Variants in DYRK2 observed in about 807,000 individuals in gnomAD.
The protein encoded by DYRK2 is dual specificity tyrosine phosphorylation regulated kinase 2, also known as dual specificity tyrosine-phosphorylation-regulated kinase 2.
In DYRK2, 12 loss-of-function variants were observed where a neutral mutation model predicts 41.6. The ratio of observed to expected loss-of-function variants is 0.29; its 90% confidence interval spans 0.18 to 0.47. The LOEUF (loss-of-function observed/expected upper bound fraction) is 0.47, where lower values mean the gene tolerates loss of function less well. Among genes scored for constraint, DYRK2 ranks in the 20% least tolerant of loss-of-function variants. The pLI, the probability that DYRK2 is intolerant of heterozygous loss-of-function variation, is 1.00. For missense variants in DYRK2, 678 were observed against 798.4 expected, an observed-to-expected ratio of 0.85 and a Z score of 1.82; for synonymous variants, 322 against 315.7, an observed-to-expected ratio of 1.02 and a Z score of -0.21.
rs568457628 is a variant in DYRK2, at chr12:67,648,794, C to G, written c.-340C>G. The stretch of plus-strand genomic sequence containing the variant: ...CGAGCCAGGCGGTCTTCGGTCCTCG[C>G]AGCGCTTCCAGCTCCCCGCGCCCCT... On this transcript the variant is annotated 5_prime_UTR_variant, in exon 1 of 3. Transcript: ENST00000344096. The G allele has an allele frequency of 6.1e-6, 1 of 163,842 alleles. No homozygotes were observed. The highest frequency in any genetic ancestry group is 2.4e-5 in the African/African-American group (1 of 40,990). The allele number at this position is 163,842 out of a possible 1,614,324, so 10.1% of individuals were successfully genotyped here.
At position 67,663,295 on chromosome 12, in the gene DYRK2, T is replaced by G. The variant is rs537779169; in HGVS notation, c.*4582T>G. On this transcript the variant is annotated 3_prime_UTR_variant, in exon 3 of 3. Transcript: ENST00000344096. ...AGTTCAGTTAGTACCAAGCTAAGAG[T>G]TTACTTACAGATGACAGCAAGCAGA... 1.4e-4 allele frequency: 21 copies of G among 151,842 alleles called. No homozygotes were observed. The highest frequency in any genetic ancestry group is 4.6e-4 in the African/African-American group (19 of 41,392). 9.4% of individuals were successfully genotyped at this position (151,842 alleles called of 1,614,324 possible).
In DYRK2 at chr12:67,662,768, A is replaced by G. The variant is rs531930167; in HGVS notation, c.*4055A>G. The G allele has an allele frequency of 1.3e-5, 2 of 155,936 alleles. No homozygotes were observed. Among genetic ancestry groups the G allele is most frequent in the South Asian group, 2.1e-4 (1 of 4,824 alleles). The allele number at this position is 155,936 out of a possible 1,614,324, so 9.7% of individuals were successfully genotyped here. A position where few individuals can be genotyped will look rare whatever the true frequency, so the allele number is the denominator to read the frequency against. The stretch of plus-strand genomic sequence containing the variant: ...TTTAGAATGCAAAATGGATAGCTCT[A>G]TATCAGGGTCTTGAGAAGTTAAAAT... On this transcript the variant is annotated 3_prime_UTR_variant, in exon 3 of 3. Transcript: ENST00000344096.
At chr12:67,649,563 C>G in intron 1 of DYRK2, 1 of 444,960 alleles carries the variant, frequency 2.2e-6, no homozygotes, top group Non-Finnish European at 3.6e-6. Flanking sequence ...CCGGCTCCCC[C>G]GCCGGGTCGC....
intron 2 of DYRK2, chr12:67,652,771 T>G (rs1159269046): frequency 6.6e-6 from 1 of 152,220 alleles, no homozygotes; most frequent in African/African-American, 2.4e-5. Context: ...GGTCTCTCAA[T>G]TCGAACCCAT....
At position 67,659,444 on chromosome 12, in the gene DYRK2, C is replaced by G. The variant is rs1872568864; in HGVS notation, c.*731C>G. ...AAAGAAGCCTCATATTACAGAGTTGCTTTTGCACCTAAATTTAGAATTGTA... is the reference window on the plus strand; with the variant it reads ...AAAGAAGCCTCATATTACAGAGTTGGTTTTGCACCTAAATTTAGAATTGTA... On this transcript the variant is annotated 3_prime_UTR_variant, in exon 3 of 3. Coordinates refer to ENST00000344096, the MANE Select transcript of DYRK2 (RefSeq NM_006482.3). 6.0e-6 allele frequency: 1 copy of G among 167,042 alleles called. No homozygotes were observed. Among genetic ancestry groups the G allele is most frequent in the Non-Finnish European group, 1.5e-5 (1 of 68,106 alleles). 10.3% of individuals were successfully genotyped at this position (167,042 alleles called of 1,614,324 possible).
At chr12:67,651,451 A>G (rs758390886) in intron 2 of DYRK2, 1 of 374,978 alleles carries the variant, frequency 2.7e-6, no homozygotes, top group Non-Finnish European at 5.3e-6. Context: ...TTGCAATTGA[A>G]ATACATGTAA....
At chr12:67,651,698 TA>T in intron 2 of DYRK2, 2 of 451,164 alleles carry the variant, frequency 4.4e-6, no homozygotes, top group Middle Eastern at 6.8e-4. Context: ...GTTTTGATTT[TA>T]TTTCTATAAC....
At chr12:67,656,844 C>T (rs1448570698) in intron 2 of DYRK2, among the ~76,000 whole-genome samples, 1 of 152,106 alleles carries the variant, frequency 6.6e-6, no homozygotes, top group African/African-American at 2.4e-5. Flanking sequence ...AGGCCCTATA[C>T]TAAGTGTTAG....
intron 1 of DYRK2, 40 bp from the exon 2 acceptor site, chr12:67,649,757 C>G (rs1872254687): frequency 1.5e-6 from 2 of 1,310,194 alleles, no homozygotes; most frequent in Non-Finnish European, 2.0e-6. Flanking sequence ...ACTTTCTCCC[C>G]CCTGACCCTC....
At position 67,657,276 on chromosome 12, in the gene DYRK2, A is replaced by C; in HGVS notation, c.369A>C (p.Pro123=). The C allele has an allele frequency of 1.5e-5, 24 of 1,614,060 alleles. No homozygotes were observed. The highest frequency in any genetic ancestry group is 2.0e-5 in the Non-Finnish European group (24 of 1,179,996). Residue 123 remains proline (P), a synonymous_variant, in exon 3 of 3, where the codon CCA becomes CCC. Coordinates refer to ENST00000344096, the MANE Select transcript of DYRK2 (RefSeq NM_006482.3). This position sits in a 1 kb window ranked among gnomAD's most constrained non-coding sequence, Gnocchi z 4.8. ...GCAAAACGGGCTTGCCAGTGGTGCC[A>C]GAGCGGCAGCTGGACAGCATTCATA... is the stretch of plus-strand genomic sequence containing the variant. The part of the protein sequence containing the change: ...TVGKTGLPVV[P]ERQLDSIHRR...
rs1347504869 is a variant in DYRK2, at chr12:67,649,793, C to G, written c.50-4C>G. The G allele has an allele frequency of 1.5e-6, 2 of 1,314,572 alleles. No homozygotes were observed. The highest frequency in any genetic ancestry group is 2.0e-6 in the Non-Finnish European group (2 of 1,024,830). The allele number at this position is 1,314,572 out of a possible 1,614,324, so 81.4% of individuals were successfully genotyped here. On this transcript the variant is annotated splice_region_variant and splice_polypyrimidine_tract_variant and intron_variant, in intron 1 of 2. Coordinates refer to ENST00000344096, the MANE Select transcript of DYRK2 (RefSeq NM_006482.3). Reference sequence around the variant, plus strand: ...TTTTGTCTCCTCCCGCACGTGGCTTCCAGGCCGAGGTGGGGACAGCGCCGT... The same window carrying G: ...TTTTGTCTCCTCCCGCACGTGGCTTGCAGGCCGAGGTGGGGACAGCGCCGT...
Position 67,658,016 on chromosome 12 carries a change from G to T in DYRK2, c.1109G>T (p.Gly370Val). The part of the protein sequence containing the change: ...GRSGIKVIDF[G>V]SSCYEHQRVY... ...AGCGGTATTAAAGTAATTGATTTTG[G>T]CTCCAGTTGTTACGAGCATCAGCGT... is the stretch of plus-strand genomic sequence containing the variant. Residue 370 changes from glycine (G) to valine (V), a missense_variant, in exon 3 of 3, where the codon GGC (glycine) becomes GTC (valine). By Grantham distance (109) the Gly-to-Val change is moderately radical. Coordinates refer to ENST00000344096, the MANE Select transcript of DYRK2 (RefSeq NM_006482.3). This position sits in a 1 kb window ranked among gnomAD's most constrained non-coding sequence, Gnocchi z 4.3. The T allele has an allele frequency of 6.2e-7, 1 of 1,614,208 alleles. No individual in the cohort carries two copies. Among genetic ancestry groups the T allele is most frequent in the Non-Finnish European group, 8.5e-7 (1 of 1,180,040 alleles).
chr12:67,657,285 G>C lies in DYRK2; in HGVS notation c.378G>C (p.Gln126His). The change falls in exon 3 of 3, where the codon CAG becomes CAC. Residue 126 changes from glutamine to histidine, a missense_variant. Physicochemically the swap from Gln to His is conservative, Grantham distance 24 (BLOSUM62 0). Transcript: ENST00000344096. This position sits in a 1 kb window ranked among gnomAD's most constrained non-coding sequence, Gnocchi z 4.8. ...KTGLPVVPER[Q>H]LDSIHRRQGS... ...GCTTGCCAGTGGTGCCAGAGCGGCAGCTGGACAGCATTCATAGACGGCAGG... is the reference window on the plus strand; with the variant it reads ...GCTTGCCAGTGGTGCCAGAGCGGCACCTGGACAGCATTCATAGACGGCAGG... The C allele has an allele frequency of 6.2e-7, 1 of 1,614,018 alleles. No individual in the cohort carries two copies.
rs1212067083 is a variant in DYRK2, at chr12:67,657,309, G to A, written c.402G>A (p.Gln134=). Residue 134 remains glutamine (Q), a synonymous_variant, in exon 3 of 3, where the codon CAG becomes CAA. Coordinates refer to ENST00000344096, the MANE Select transcript of DYRK2 (RefSeq NM_006482.3). The surrounding 1 kb of genome is among the most constrained non-coding windows in gnomAD (Gnocchi z 4.8). The part of the protein sequence containing the change: ...ERQLDSIHRR[Q]GSSTSLKSME... Reference sequence around the variant, plus strand: ...AGCTGGACAGCATTCATAGACGGCAGGGGAGCTCCACCTCTCTAAAGTCCA... The same window carrying A: ...AGCTGGACAGCATTCATAGACGGCAAGGGAGCTCCACCTCTCTAAAGTCCA... The A allele has an allele frequency of 6.2e-7, 1 of 1,613,798 alleles. No individual in the cohort carries two copies. Among genetic ancestry groups the A allele is most frequent in the East Asian group, 2.2e-5 (1 of 44,888 alleles).
At position 67,648,861 on chromosome 12, in the gene DYRK2, C is replaced by T; in HGVS notation, c.-273C>T. Reference sequence around the variant, plus strand: ...GAGGCCCGCGGCGCGCAGGGGAGGGCGAGGCATGTGCACGGGCCGGAGGGT... The same window carrying T: ...GAGGCCCGCGGCGCGCAGGGGAGGGTGAGGCATGTGCACGGGCCGGAGGGT... On this transcript the variant is annotated 5_prime_UTR_variant, in exon 1 of 3. Transcript: ENST00000344096. 1 of 266,040 alleles carries T rather than the reference C, an allele frequency of 3.8e-6. No homozygotes were observed. The highest frequency in any genetic ancestry group is 6.9e-6 in the Non-Finnish European group (1 of 144,690). The allele number at this position is 266,040 out of a possible 1,614,324, so 16.5% of individuals were successfully genotyped here.
At position 67,657,401 on chromosome 12, in the gene DYRK2, A is replaced by C. The variant is rs1872507429; in HGVS notation, c.494A>C (p.Gln165Pro). The change falls in exon 3 of 3, where the codon CAA becomes CCA. Residue 165 changes from glutamine (Q) to proline (P), a missense_variant. Coordinates refer to ENST00000344096, the MANE Select transcript of DYRK2 (RefSeq NM_006482.3). This position sits in a 1 kb window ranked among gnomAD's most constrained non-coding sequence, Gnocchi z 4.8. ...TPEQAMKQYM[Q>P]KLTAFEHHEI... Reference sequence around the variant, plus strand: ...GAACAAGCAATGAAGCAATACATGCAAAAACTCACAGCCTTCGAACACCAT... The same window carrying C: ...GAACAAGCAATGAAGCAATACATGCCAAAACTCACAGCCTTCGAACACCAT... The C allele has an allele frequency of 1.2e-6, 2 of 1,614,220 alleles. No individual in the cohort carries two copies. The highest frequency in any genetic ancestry group is 2.2e-5 in the East Asian group (1 of 44,882).
chr12:67,649,123 C>A lies in DYRK2; in HGVS notation c.-11C>A. ...CGGCAGCCCTGAAATGCATTTTCCT[C>A]TCCAGCGGCCATGTTAACCAGGAAA... On this transcript the variant is annotated 5_prime_UTR_variant, in exon 1 of 3. Transcript: ENST00000344096. The A allele has an allele frequency of 1.3e-6, 2 of 1,511,306 alleles. No individual in the cohort carries two copies. Among genetic ancestry groups the A allele is most frequent in the Non-Finnish European group, 8.9e-7 (1 of 1,126,652 alleles). The allele number at this position is 1,511,306 out of a possible 1,614,324, so 93.6% of individuals were successfully genotyped here.
chr12:67,663,093 G>A lies in DYRK2; in HGVS notation c.*4380G>A, dbSNP rs1872665820. 1 of 151,854 alleles carries A rather than the reference G, an allele frequency of 6.6e-6. No homozygotes were observed. Among genetic ancestry groups the A allele is most frequent in the Admixed American group, 6.6e-5 (1 of 15,238 alleles). 9.4% of individuals were successfully genotyped at this position (151,854 alleles called of 1,614,324 possible). On this transcript the variant is annotated 3_prime_UTR_variant, in exon 3 of 3. Coordinates refer to ENST00000344096, the MANE Select transcript of DYRK2 (RefSeq NM_006482.3). ...CATTCTTTTCTCTGCACAAGTTCTGGTAAATTATTCTAATGTGCTCTAACC... is the reference window on the plus strand; with the variant it reads ...CATTCTTTTCTCTGCACAAGTTCTGATAAATTATTCTAATGTGCTCTAACC...
intron 2 of DYRK2, chr12:67,652,370 G>A (rs190051042): frequency 2.6e-5 from 4 of 151,906 alleles, no homozygotes; most frequent in Admixed American, 2.6e-4. Flanking sequence ...TATAACTTTT[G>A]TAACTGTTTT....
Sources: gnomAD v4.1 joint callset for allele counts (sites outside exome capture counted in the v4.1 genomes callset) on GRCh38, gnomAD v4.1.1 for gene constraint, Gnocchi (gnomAD v3.1) non-coding constraint, MANE v1.5 for transcripts, NCBI Gene and HGNC (gene_info 2026-07-23, HGNC 2026-07-21) for gene names.